The following ZNF676 variants were observed in gnomAD, a reference collection of about 807,000 sequenced individuals.
The protein encoded by ZNF676 is zinc finger protein 676.
In ZNF676, 4 loss-of-function variants were observed where a neutral mutation model predicts 6.0. The observed-to-expected ratio is 0.67, with a 90% CI of 0.33 to 1.53. The LOEUF (loss-of-function observed/expected upper bound fraction) is 1.53, where lower values mean the gene tolerates loss of function less well. ZNF676 is among the 40% of genes most tolerant of loss of function. The probability of loss-of-function intolerance (pLI) is 0.06; values close to 1 mark genes in which losing one functional copy is unlikely to be tolerated. For synonymous variants in ZNF676, 198 were observed against 223.1 expected (o/e 0.89, Z 1.00); for missense variants, 644 against 679.7 (o/e 0.95, Z 0.58).
chr19:22,242,985 C>T, the ZNF676 span, among the ~76,000 whole-genome samples: 1 of 151,804 alleles, frequency 6.6e-6, no homozygotes, highest in Admixed American at 6.6e-5. Context: ...CATATGCATC[C>T]TGCGGGCAAG....
upstream of ZNF676, among the ~76,000 whole-genome samples, chr19:22,200,515 A>ATTTTTT (rs3035052): frequency 0.24 from 25,355 of 105,102 alleles, 3,573 homozygotes; most frequent in South Asian, 0.31. Flanking sequence ...TGCTTCATCA[A>ATTTTTT]TTTTTTTTTT....
rs767094512 is a variant in ZNF676 at position 22,180,407 on chromosome 19, G to A, written c.1310C>T (p.Thr437Ile). 3.1e-6 allele frequency: 5 copies of A among 1,612,844 alleles called. No homozygotes were observed. In the African/African-American group the frequency reaches 5.4e-5, roughly 17 times the overall value. The change falls in exon 3 of 3, where the codon ACT becomes ATT. Residue 437 changes from threonine (T) to isoleucine (I), a missense_variant. Transcript: ENST00000397121. ...TCCAGCATGAATTCTCTTGTGTTCA[G>A]TAAGGCTTGAGGACCAGCTGAAGGC... ...GKAFSWSSSLTEHKRIHAGEK... is the reference protein window; with the variant it reads ...GKAFSWSSSLIEHKRIHAGEK...
At chr19:22,215,660 G>C in exon 1 of ZNF676, 1 of 1,608,888 alleles carries the variant, frequency 6.2e-7, no homozygotes, top group Non-Finnish European at 8.5e-7. Context: ...GGGTCCTGGC[G>C]ACTTAGTTGT....
At chr19:22,190,246 C>A (rs554850376) in intron 2 of ZNF676, among the ~76,000 whole-genome samples, 10 of 152,144 alleles carry the variant, frequency 6.6e-5, no homozygotes, top group African/African-American at 2.4e-4. Flanking sequence ...TGGAAACCAT[C>A]ATTCTCAGCA....
chr19:22,245,798 T>C, the ZNF676 span, among the ~76,000 whole-genome samples: 1 of 152,148 alleles, frequency 6.6e-6, no homozygotes, highest in African/African-American at 2.4e-5. Flanking sequence ...GACCCAGCCA[T>C]ATATCACAAT....
rs775011020 is a variant in ZNF676, at chr19:22,180,748, G to C, written c.969C>G (p.Ser323Arg). ...ECGKAFSWSSSLTEHKRIHAG... is the reference protein window; with the variant it reads ...ECGKAFSWSSRLTEHKRIHAG... ...CATGAATTCTCTTGTGTTCAGTAAG[G>C]CTTGAGGACCAGCTGAAGGCTTTGC... The change falls in exon 3 of 3, where the codon AGC becomes AGG. Residue 323 changes from serine to arginine, a missense_variant. Ser to Arg is a moderately radical substitution (Grantham distance 110). Transcript: ENST00000397121. 1 of 1,613,016 alleles carries C rather than the reference G, an allele frequency of 6.2e-7. No individual in the cohort carries two copies. Among genetic ancestry groups the C allele is most frequent in the East Asian group, 2.2e-5 (1 of 44,834 alleles).
chr19:22,237,689 G>A, the ZNF676 span, among the ~76,000 whole-genome samples: 2 of 152,192 alleles, frequency 1.3e-5, no homozygotes, highest in African/African-American at 4.8e-5. Context: ...AAGGCTGATG[G>A]CAGCATGCAT....
At chr19:22,187,641 AAGGAG>A (rs952992381) in intron 2 of ZNF676, among the ~76,000 whole-genome samples, 2 of 152,090 alleles carry the variant, frequency 1.3e-5, no homozygotes, top group African/African-American at 4.8e-5. Context: ...AAAAGGAAGA[AAGGAG>A]AGAAGAATCA....
At chr19:22,188,685 G>T (rs1202214393) in intron 2 of ZNF676, among the ~76,000 whole-genome samples, 1 of 152,034 alleles carries the variant, frequency 6.6e-6, no homozygotes, top group African/African-American at 2.4e-5. Context: ...AAATCAATGT[G>T]AAAAAATCAC....
At chr19:22,218,263 A>G (rs1599721639), upstream of ZNF676, among the ~76,000 whole-genome samples, 1 of 152,160 alleles carries the variant, frequency 6.6e-6, no homozygotes. Flanking sequence ...GGGTAGTTTC[A>G]GGTCTTAGAT....
At chr19:22,206,884 T>C (rs553790997) in intron 1 of ZNF676, among the ~76,000 whole-genome samples, 99 of 152,242 alleles carry the variant, frequency 6.5e-4, no homozygotes, top group South Asian at 2.3e-3. Context: ...AAGCCTTCAA[T>C]AAAATTTAAC....
chr19:22,191,213 A>C (rs551003772), intron 2 of ZNF676, among the ~76,000 whole-genome samples: 1 of 152,288 alleles, frequency 6.6e-6, no homozygotes, highest in African/African-American at 2.4e-5. Flanking sequence ...AACTTTGCTA[A>C]AGCCCAAGAT....
the ZNF676 span, among the ~76,000 whole-genome samples, chr19:22,234,707 A>G: frequency 6.6e-6 from 1 of 152,002 alleles, no homozygotes. Context: ...GCCGAGGCAA[A>G]CAGATCACCT....
chr19:22,215,737 G>C (rs1188242048), exon 1 of ZNF676: 2 of 1,438,042 alleles, frequency 1.4e-6, no homozygotes, highest in African/African-American at 2.9e-5. Flanking sequence ...TAAGGACAAG[G>C]CCTTTACCTC....
At chr19:22,183,290 A>C (rs1472117892) in intron 2 of ZNF676, among the ~76,000 whole-genome samples, 1 of 152,208 alleles carries the variant, frequency 6.6e-6, no homozygotes, top group Non-Finnish European at 1.5e-5. Flanking sequence ...AAATTATTTA[A>C]ATATACGGAA....
Position 22,180,190 on chromosome 19 carries a change from T to A in ZNF676, c.1527A>T (p.Glu509Asp). ...HTGEKRYKCE[E>D]CGKAFSWSSI... The stretch of plus-strand genomic sequence containing the variant: ...AGGACCAGCTGAAGGCTTTGCCACA[T>A]TCTTCACATTTGTAGCGTTTCTCTC... Residue 509 changes from glutamate to aspartate, a missense_variant, in exon 3 of 3, where the codon GAA becomes GAT. By Grantham distance (45) the Glu-to-Asp change is conservative. Transcript: ENST00000397121. The A allele has an allele frequency of 3.1e-6, 5 of 1,613,642 alleles. No homozygotes were observed. Among genetic ancestry groups the A allele is most frequent in the Non-Finnish European group, 4.2e-6 (5 of 1,179,858 alleles).
chr19:22,195,473 A>C (rs2023957963), intron 1 of ZNF676, among the ~76,000 whole-genome samples: 1 of 152,158 alleles, frequency 6.6e-6, no homozygotes, highest in South Asian at 2.1e-4. Flanking sequence ...AGGCATGATA[A>C]TTTTTGCTAT....
At chr19:22,185,658 T>C (rs1599710986) in intron 2 of ZNF676, among the ~76,000 whole-genome samples, 1 of 152,066 alleles carries the variant, frequency 6.6e-6, no homozygotes, top group Non-Finnish European at 1.5e-5. Flanking sequence ...GGATTGCTAA[T>C]GAGAATAATC....
At chr19:22,246,395 A>C in the ZNF676 span, among the ~76,000 whole-genome samples, 1 of 152,042 alleles carries the variant, frequency 6.6e-6, no homozygotes, top group East Asian at 2.0e-4. Context: ...TTACCTGGGT[A>C]CTTGCTCCAG....
Sources: gnomAD v4.1 joint callset for allele counts (sites outside exome capture counted in the v4.1 genomes callset) on GRCh38, gnomAD v4.1.1 for gene constraint, MANE v1.5 for transcripts, NCBI Gene and HGNC (gene_info 2026-07-23, HGNC 2026-07-21) for gene names.